The following PTPRM variants were observed in gnomAD, a reference collection of about 807,000 sequenced individuals.
PTPRM encodes the protein receptor-type tyrosine-protein phosphatase mu.
A neutral mutation model predicts 186.7 loss-of-function variants in PTPRM; 47 were observed. That is an observed-to-expected ratio of 0.25 (90% CI 0.20 to 0.32). The LOEUF (loss-of-function observed/expected upper bound fraction) is 0.32, where lower values mean the gene tolerates loss of function less well. Ranked by LOEUF, PTPRM falls within the 10% of genes least tolerant of loss-of-function variation. The probability of loss-of-function intolerance (pLI) is 1.00; values close to 1 mark genes in which losing one functional copy is unlikely to be tolerated. For missense variants in PTPRM, 1,494 were observed against 1,865.0 expected, an observed-to-expected ratio of 0.80 and a Z score of 3.66; for synonymous variants, 668 against 674.9, an observed-to-expected ratio of 0.99 and a Z score of 0.16.
intron 9 of PTPRM, among the ~76,000 whole-genome samples, chr18:8,081,330 C>G (rs2090115546): frequency 6.6e-6 from 1 of 152,170 alleles, no homozygotes; most frequent in African/African-American, 2.4e-5. Flanking sequence ...GTTGAGATCT[C>G]AGTTTGCTTT....
chr18:8,157,446 C>T (rs935200767), intron 14 of PTPRM, among the ~76,000 whole-genome samples: 2 of 152,166 alleles, frequency 1.3e-5, no homozygotes, highest in Non-Finnish European at 1.5e-5. Flanking sequence ...CTCCTTTTCC[C>T]ATGGAGAGCA....
chr18:8,351,751 T>G (rs1598403728), intron 23 of PTPRM, among the ~76,000 whole-genome samples: 1 of 152,222 alleles, frequency 6.6e-6, no homozygotes, highest in African/African-American at 2.4e-5. Flanking sequence ...CAGTGTGGCC[T>G]GTGATGATTC....
At chr18:7,601,715 G>A (rs1010040844) in intron 1 of PTPRM, among the ~76,000 whole-genome samples, 2 of 152,150 alleles carry the variant, frequency 1.3e-5, no homozygotes, top group African/African-American at 2.4e-5. Context: ...TTAAAAGACC[G>A]CTTTATCAAG....
At chr18:8,251,443 A>G (rs963042799) in intron 17 of PTPRM, among the ~76,000 whole-genome samples, 1 of 152,248 alleles carries the variant, frequency 6.6e-6, no homozygotes, top group Non-Finnish European at 1.5e-5. Flanking sequence ...ATCCCAGTTT[A>G]TAAAGCTTGG....
At chr18:8,325,579 T>G (rs1743165040) in intron 22 of PTPRM, among the ~76,000 whole-genome samples, 1 of 152,220 alleles carries the variant, frequency 6.6e-6, no homozygotes, top group East Asian at 1.9e-4. Context: ...ATGGGCATTT[T>G]GGTTGATTCC....
intron 1 of PTPRM, among the ~76,000 whole-genome samples, chr18:7,681,456 G>T (rs2039478501): frequency 6.6e-6 from 1 of 151,876 alleles, no homozygotes; most frequent in Non-Finnish European, 1.5e-5. Context: ...GATTAATGTC[G>T]GGGCTGTTAC....
chr18:8,257,133 G>T (rs2094582013), intron 19 of PTPRM, among the ~76,000 whole-genome samples: 1 of 152,214 alleles, frequency 6.6e-6, no homozygotes, highest in South Asian at 2.1e-4. Flanking sequence ...GGCCAGTGGG[G>T]TCACCTGAGC....
intron 14 of PTPRM, among the ~76,000 whole-genome samples, chr18:8,229,203 A>G (rs1313440535): frequency 2.6e-5 from 4 of 152,168 alleles, no homozygotes; most frequent in Admixed American, 1.3e-4. Context: ...CATGCCAGGC[A>G]CTTTCTAACA....
intron 14 of PTPRM, among the ~76,000 whole-genome samples, chr18:8,238,651 G>GT (rs71165776): frequency 0.025 from 637 of 25,774 alleles, 144 homozygotes; most frequent in East Asian, 0.096. Context: ...TGTTTTGTGT[G>GT]TTTTTTTTTT....
At chr18:8,390,935 A>AAATAAT (rs71356213) in intron 31 of PTPRM, among the ~76,000 whole-genome samples, 12,094 of 143,240 alleles carry the variant, frequency 0.084, 559 homozygotes, top group African/African-American at 0.12. Context: ...CTCAAAAAGA[A>AAATAAT]AATAATAATA....
chr18:7,671,874 G>A (rs535791891), intron 1 of PTPRM, among the ~76,000 whole-genome samples: 43 of 152,212 alleles, frequency 2.8e-4, no homozygotes, highest in African/African-American at 1.0e-3. Flanking sequence ...ATGTACAAGT[G>A]GTAGAGTTTA....
intron 7 of PTPRM, among the ~76,000 whole-genome samples, chr18:8,010,251 T>C (rs1389241323): frequency 1.3e-5 from 2 of 152,218 alleles, no homozygotes; most frequent in African/African-American, 4.8e-5. Flanking sequence ...CATTACCAAA[T>C]TAATTTTCCT....
At chr18:7,984,616 C>G (rs911507041) in intron 7 of PTPRM, among the ~76,000 whole-genome samples, 5 of 131,702 alleles carry the variant, frequency 3.8e-5, no homozygotes, top group African/African-American at 1.5e-4. Context: ...CACACACACA[C>G]ACACACACAC....
intron 22 of PTPRM, among the ~76,000 whole-genome samples, chr18:8,327,207 A>G (rs1426306496): frequency 6.6e-6 from 1 of 152,212 alleles, no homozygotes; most frequent in South Asian, 2.1e-4. Flanking sequence ...CACCGCCATC[A>G]CTGTCTTCCT....
At chr18:8,340,406 G>A (rs905683491) in intron 22 of PTPRM, among the ~76,000 whole-genome samples, 3 of 151,874 alleles carry the variant, frequency 2.0e-5, no homozygotes, top group African/African-American at 4.8e-5. Flanking sequence ...TTTTTTTAGC[G>A]TAGGTCAATG....
chr18:8,288,793 G>A (rs1177929858), intron 19 of PTPRM, among the ~76,000 whole-genome samples: 1 of 152,194 alleles, frequency 6.6e-6, no homozygotes, highest in Non-Finnish European at 1.5e-5. Context: ...CTGAAGGTGG[G>A]AAGAAAGGGG....
intron 13 of PTPRM, among the ~76,000 whole-genome samples, chr18:8,130,938 A>G (rs1454261447): frequency 3.3e-5 from 5 of 152,240 alleles, no homozygotes; most frequent in African/African-American, 1.2e-4. Flanking sequence ...TGAGACATCG[A>G]GTGCAAAAAT....
chr18:7,829,474 G>T (rs527254106), intron 2 of PTPRM, among the ~76,000 whole-genome samples: 1 of 152,274 alleles, frequency 6.6e-6, no homozygotes, highest in Non-Finnish European at 1.5e-5. Flanking sequence ...TACATGTTGG[G>T]TTTGTAGACA....
intron 23 of PTPRM, among the ~76,000 whole-genome samples, chr18:8,345,011 A>G (rs765378501): frequency 1.3e-5 from 2 of 152,182 alleles, no homozygotes; most frequent in African/African-American, 4.8e-5. Flanking sequence ...CTGTGGGGGT[A>G]AAGCACTTCG....
Sources: allele counts gnomAD v4.1 joint callset (sites outside exome capture counted in the v4.1 genomes callset), GRCh38; gene constraint gnomAD v4.1.1; transcripts MANE v1.5; gene names NCBI Gene and HGNC (gene_info 2026-07-23, HGNC 2026-07-21).